The following RASSF8 variants were observed in gnomAD, a reference collection of about 807,000 sequenced individuals.
RASSF8 encodes ras association domain-containing protein 8.
In RASSF8, 22 loss-of-function variants were observed where a neutral mutation model predicts 48.5. The ratio of observed to expected loss-of-function variants is 0.45; its 90% CI spans 0.32 to 0.65. RASSF8 has a LOEUF of 0.65. RASSF8 is among the 30% of genes least tolerant of loss of function. The probability of loss-of-function intolerance (pLI) is 0.03; values close to 1 mark genes in which losing one functional copy is unlikely to be tolerated. For synonymous variants in RASSF8, 127 were observed against 171.5 expected (o/e 0.74, Z 2.03); for missense variants, 418 against 489.2 (o/e 0.85, Z 1.37).
intron 1 of RASSF8, among the ~76,000 whole-genome samples, chr12:25,967,848 A>C (rs181180939): frequency 6.8e-4 from 103 of 152,320 alleles, no homozygotes; most frequent in African/African-American, 2.3e-3. Flanking sequence ...CCAGGCAAGT[A>C]GCTCTGAAGA....
rs897274532 is a variant in RASSF8 at position 25,988,677 on chromosome 12, T to C, written c.-202-6360T>C. 2.6e-5 allele frequency among the ~76,000 whole-genome samples: 4 copies of C among 152,162 alleles called. No individual in the cohort carries two copies. In the South Asian group the frequency reaches 8.3e-4, roughly 32 times the overall value. On this transcript the variant is annotated intron_variant, in intron 1 of 5. Transcript: ENST00000689635. Reference sequence around the variant, plus strand: ...CCTGCACTGCCAGTTCAGGAAATAGTATGTGAAATTCCTGCTTTATCAGGA... The same window carrying C: ...CCTGCACTGCCAGTTCAGGAAATAGCATGTGAAATTCCTGCTTTATCAGGA...
chr12:26,064,546 G>T lies in RASSF8; in HGVS notation c.152G>T (p.Arg51Ile). 6.2e-7 allele frequency: 1 copy of T among 1,608,676 alleles called. No individual in the cohort carries two copies. The highest frequency in any genetic ancestry group is 8.5e-7 in the Non-Finnish European group (1 of 1,176,996). ...ATAGAGAAATGGAGAGATACTGAAA[G>T]ACACTTAGCACCTCATGAAAATCCT... The part of the protein sequence containing the change: ...TLIEKWRDTE[R>I]HLAPHENPII... The change falls in exon 4 of 6, where the codon AGA becomes ATA. Residue 51 changes from arginine to isoleucine, a missense_variant. By Grantham distance (97) the Arg-to-Ile change is moderately conservative. Transcript: ENST00000689635.
intron 1 of RASSF8, among the ~76,000 whole-genome samples, chr12:25,966,534 C>G (rs1941364384): frequency 6.6e-6 from 1 of 152,130 alleles, no homozygotes; most frequent in South Asian, 2.1e-4. Flanking sequence ...TTGCATTTCC[C>G]TAACAACTAG....
At chr12:26,038,569 G>C (rs1049632804) in intron 2 of RASSF8, among the ~76,000 whole-genome samples, 3 of 144,192 alleles carry the variant, frequency 2.1e-5, no homozygotes, top group African/African-American at 7.7e-5. Flanking sequence ...GATTAATTTG[G>C]GAAAATAAAT....
chr12:25,964,113 G>A (rs1439687575), intron 1 of RASSF8, among the ~76,000 whole-genome samples: 2 of 152,174 alleles, frequency 1.3e-5, no homozygotes, highest in Admixed American at 6.5e-5. Context: ...CACTGTGGAG[G>A]AGAGGAAAGT....
At chr12:25,959,602 T>A (rs575117613) in intron 1 of RASSF8, 3 of 152,378 alleles carry the variant, frequency 2.0e-5, no homozygotes, top group East Asian at 3.9e-4. Context: ...TCATTTGAAC[T>A]ATTAACCATC....
chr12:26,004,263 A>G (rs959854503), intron 2 of RASSF8, among the ~76,000 whole-genome samples: 1 of 152,220 alleles, frequency 6.6e-6, no homozygotes, highest in African/African-American at 2.4e-5. Context: ...GCAGGGATGA[A>G]TATACTGAAC....
At chr12:26,064,016 G>T (rs1943806887) in intron 3 of RASSF8, among the ~76,000 whole-genome samples, 1 of 152,146 alleles carries the variant, frequency 6.6e-6, no homozygotes, top group African/African-American at 2.4e-5. Flanking sequence ...GAGAAGTGGG[G>T]CCTCCAGCCC....
At chr12:26,001,436 T>C (rs1282986216) in intron 2 of RASSF8, among the ~76,000 whole-genome samples, 1 of 152,162 alleles carries the variant, frequency 6.6e-6, no homozygotes, top group Non-Finnish European at 1.5e-5. Context: ...TTATGAACTT[T>C]TTAATTTTAA....
At position 25,995,387 on chromosome 12, in the gene RASSF8, C is replaced by G. The variant is rs114837257; in HGVS notation, c.-109+257C>G. 3.0e-3 allele frequency among the ~76,000 whole-genome samples: 457 copies of G among 152,220 alleles called. 3 individuals are homozygous for G. Among genetic ancestry groups the G allele is most frequent in the African/African-American group, 0.011 (443 of 41,518 alleles). On this transcript the variant is annotated intron_variant, in intron 2 of 5. Coordinates refer to ENST00000689635, the MANE Select transcript of RASSF8 (RefSeq NM_001394098.1). ...GACACTAAAAGCATCATAAAATATGCCTTAGGTTTCAAGTTTGGAGTCTGA... is the reference window on the plus strand; with the variant it reads ...GACACTAAAAGCATCATAAAATATGGCTTAGGTTTCAAGTTTGGAGTCTGA...
At chr12:26,065,508 A>T in intron 4 of RASSF8, 121 bp downstream of exon 4, 1 of 1,321,860 alleles carries the variant, frequency 7.6e-7, no homozygotes. Flanking sequence ...AGCCTTGTTT[A>T]AAACTTTTGT....
chr12:26,034,742 A>T (rs1175919103), intron 2 of RASSF8, among the ~76,000 whole-genome samples: 1 of 152,194 alleles, frequency 6.6e-6, no homozygotes, highest in Non-Finnish European at 1.5e-5. Flanking sequence ...GGGGAAATCA[A>T]ACAAGGGTGG....
intron 1 of RASSF8, among the ~76,000 whole-genome samples, chr12:25,982,746 G>A (rs59714345): frequency 0.11 from 16,974 of 152,196 alleles, 1,082 homozygotes; most frequent in African/African-American, 0.18. Context: ...TCCACATAGA[G>A]CTGGGACCCC....
intron 1 of RASSF8, among the ~76,000 whole-genome samples, chr12:25,991,440 C>A (rs922073836): frequency 1.3e-4 from 19 of 151,546 alleles, no homozygotes; most frequent in Admixed American, 9.2e-4. Flanking sequence ...GAACTCTCAC[C>A]TAGTTTCTTT....
intron 1 of RASSF8, among the ~76,000 whole-genome samples, chr12:25,968,986 G>A (rs1469007907): frequency 1.3e-5 from 2 of 152,176 alleles, no homozygotes; most frequent in African/African-American, 4.8e-5. Context: ...CAGGAAGAAC[G>A]CTCCAGATAG....
intron 1 of RASSF8, among the ~76,000 whole-genome samples, chr12:25,990,563 T>C (rs2643940): frequency 2.0e-5 from 3 of 152,214 alleles, no homozygotes; most frequent in Non-Finnish European, 4.4e-5. Flanking sequence ...ATCTACCTTA[T>C]TGTTTCTGTG....
At chr12:25,971,820 G>T (rs1209413495) in intron 1 of RASSF8, among the ~76,000 whole-genome samples, 1 of 152,242 alleles carries the variant, frequency 6.6e-6, no homozygotes, top group African/African-American at 2.4e-5. Flanking sequence ...CCCAGGAGAA[G>T]TTTTCAGAGT....
rs181249615 is a variant in RASSF8, at chr12:25,962,892, C to T, written c.-203+3744C>T. Among the ~76,000 whole-genome samples the T allele has an allele frequency of 3.5e-3, 535 of 152,202 alleles. 3 individuals carry two copies. The highest frequency in any genetic ancestry group is 0.012 in the African/African-American group (508 of 41,518). On this transcript the variant is annotated intron_variant, in intron 1 of 5. Coordinates refer to ENST00000689635, the MANE Select transcript of RASSF8 (RefSeq NM_001394098.1). ...ATGCATGTAGGTTCTGTGAAATATT[C>T]GTAGTAATAAATTGAGACACCTTTT...
chr12:26,074,715 G>T (rs1480323499), downstream of RASSF8, among the ~76,000 whole-genome samples: 3 of 152,108 alleles, frequency 2.0e-5, no homozygotes, highest in Non-Finnish European at 4.4e-5. Flanking sequence ...GGCAAGGATA[G>T]GGTGTCACGG....
Sources: gnomAD v4.1 joint callset for allele counts (sites outside exome capture counted in the v4.1 genomes callset) on GRCh38, gnomAD v4.1.1 for gene constraint, MANE v1.5 for transcripts, NCBI Gene and HGNC (gene_info 2026-07-23, HGNC 2026-07-21) for gene names.